ADGRB3: variants seen among roughly 807,000 people sequenced by gnomAD.
ADGRB3 encodes the protein brain-specific angiogenesis inhibitor 3.
Under a neutral mutation model 193.4 loss-of-function variants are expected in ADGRB3, and 37 were observed. The ratio of observed to expected loss-of-function variants is 0.19; its 90% confidence interval spans 0.15 to 0.25. The LOEUF is 0.25. Among genes scored for constraint, ADGRB3 ranks in the 10% least tolerant of loss-of-function variants. The pLI is 1.00. For synonymous variants in ADGRB3, 690 were observed against 644.2 expected, an observed-to-expected ratio of 1.07 and a Z score of -1.08; for missense variants, 1,637 against 1,852.9, an observed-to-expected ratio of 0.88 and a Z score of 2.14.
intron 15 of ADGRB3, among the ~76,000 whole-genome samples, chr6:69,052,486 A>G (rs1771427904): frequency 6.6e-6 from 1 of 152,356 alleles, no homozygotes; most frequent in South Asian, 2.1e-4. Context: ...TTTGTTATAC[A>G]CAGAAATAAT....
chr6:68,769,580 C>T (rs1342895660), intron 3 of ADGRB3, among the ~76,000 whole-genome samples: 1 of 152,004 alleles, frequency 6.6e-6, no homozygotes, highest in Admixed American at 6.6e-5. Flanking sequence ...GGAGAAATAC[C>T]TAATGTAGGT....
chr6:69,043,290 G>GAGAGAAAGAAAGAAAGAAAGAAAGAA (rs1554252049), intron 13 of ADGRB3, among the ~76,000 whole-genome samples: 4,591 of 87,956 alleles, frequency 0.052, 313 homozygotes, highest in East Asian at 0.17. Flanking sequence ...GGAAGAAAGA[G>GAGAGAAAGAAAGAAAGAAAGAAAGAA]AGAAAGAAAG....
intron 3 of ADGRB3, among the ~76,000 whole-genome samples, chr6:68,788,250 G>A (rs1183213066): frequency 6.6e-6 from 1 of 152,014 alleles, no homozygotes; most frequent in African/African-American, 2.4e-5. Context: ...TGATGTTAGG[G>A]TGTCAATTTT....
rs148962859 is a variant in ADGRB3 at position 68,755,489 on chromosome 6, A to G, written c.757+116057A>G. ...ACAATCAATTTGATGGTTCTTCTGG[A>G]TTTGTCTTGGGGAATTAGGAGGTAA... On this transcript the variant is annotated intron_variant, in intron 3 of 31. Coordinates refer to ENST00000370598, the MANE Select transcript of ADGRB3 (RefSeq NM_001704.3). Among the ~76,000 whole-genome samples the G allele has an allele frequency of 1.4e-3, 206 of 152,220 alleles. 2 individuals carry two copies. The highest frequency in any genetic ancestry group is 4.6e-3 in the African/African-American group (192 of 41,534).
chr6:69,250,550 A>G (rs1424654723), intron 20 of ADGRB3, among the ~76,000 whole-genome samples: 2 of 152,176 alleles, frequency 1.3e-5, no homozygotes, highest in South Asian at 2.1e-4. Flanking sequence ...CACCATTTCT[A>G]CAAGTCAGGA....
chr6:69,259,660 C>T (rs1003562713), intron 20 of ADGRB3, among the ~76,000 whole-genome samples: 12 of 139,882 alleles, frequency 8.6e-5, no homozygotes, highest in African/African-American at 3.0e-4. Context: ...GGCGCCACTG[C>T]ACTCCAGCCT....
intron 8 of ADGRB3, among the ~76,000 whole-genome samples, chr6:68,966,471 T>G (rs1768384167): frequency 6.6e-6 from 1 of 152,176 alleles, no homozygotes. Flanking sequence ...ACTTTACCCT[T>G]TCTGAAACGG....
intron 3 of ADGRB3, among the ~76,000 whole-genome samples, chr6:68,751,701 C>G (rs184451211): frequency 4.6e-5 from 7 of 152,252 alleles, no homozygotes; most frequent in African/African-American, 1.7e-4. Context: ...TCCTCACACC[C>G]TCATCTATTT....
At chr6:69,022,312 A>G (rs1186764579) in intron 13 of ADGRB3, among the ~76,000 whole-genome samples, 3 of 151,852 alleles carry the variant, frequency 2.0e-5, no homozygotes, top group Non-Finnish European at 1.5e-5. Context: ...TATATCAATA[A>G]TTTTAAAAAT....
intron 29 of ADGRB3, 140 bp downstream of exon 29, chr6:69,361,652 A>G (rs927153592): frequency 1.5e-5 from 16 of 1,049,914 alleles, no homozygotes; most frequent in Non-Finnish European, 2.1e-5. Context: ...GCAGTTTTGT[A>G]TCATGAAAAT....
At chr6:69,036,061 T>C (rs1213178059) in intron 13 of ADGRB3, among the ~76,000 whole-genome samples, 2 of 151,902 alleles carry the variant, frequency 1.3e-5, no homozygotes, top group East Asian at 1.9e-4. Context: ...AAGAAGAAAA[T>C]GTCTTATCCC....
intron 17 of ADGRB3, among the ~76,000 whole-genome samples, chr6:69,115,272 A>C (rs1773497517): frequency 6.6e-6 from 1 of 152,236 alleles, no homozygotes; most frequent in Non-Finnish European, 1.5e-5. Flanking sequence ...GCCATAGAAA[A>C]GGATGAGTTC....
At chr6:69,284,289 CAT>C (rs1412874723) in intron 20 of ADGRB3, among the ~76,000 whole-genome samples, 42 of 152,254 alleles carry the variant, frequency 2.8e-4, no homozygotes, top group African/African-American at 9.9e-4. Flanking sequence ...ACACTTTGCA[CAT>C]AGTCATCGTA....
At chr6:68,929,535 A>T (rs1311420082) in intron 3 of ADGRB3, among the ~76,000 whole-genome samples, 1 of 152,146 alleles carries the variant, frequency 6.6e-6, no homozygotes, top group African/African-American at 2.4e-5. Context: ...CATCTTTGTC[A>T]TGTTTAAGAG....
chr6:69,138,075 G>T, intron 17 of ADGRB3, among the ~76,000 whole-genome samples: 1 of 151,974 alleles, frequency 6.6e-6, no homozygotes, highest in South Asian at 2.1e-4. Flanking sequence ...ACCTAGAAAC[G>T]GTACCCATCA....
intron 26 of ADGRB3, among the ~76,000 whole-genome samples, chr6:69,351,278 A>G (rs560705807): frequency 6.6e-6 from 1 of 151,410 alleles, no homozygotes; most frequent in South Asian, 2.1e-4. Context: ...TTTTTTTAGT[A>G]GAGATGGGGT....
At chr6:69,206,045 GTATATATATA>G (rs56741913) in intron 17 of ADGRB3, among the ~76,000 whole-genome samples, 1,038 of 99,918 alleles carry the variant, frequency 0.01, 24 homozygotes, top group African/African-American at 0.031. Context: ...TATAATAATG[GTATATATATA>G]TATATATATA....
intron 3 of ADGRB3, among the ~76,000 whole-genome samples, chr6:68,767,772 A>T (rs1330562292): frequency 6.6e-6 from 1 of 152,130 alleles, no homozygotes; most frequent in Non-Finnish European, 1.5e-5. Flanking sequence ...CAATGACATG[A>T]TTCTATGTTT....
chr6:69,257,673 A>T (rs988180458), intron 20 of ADGRB3, among the ~76,000 whole-genome samples: 1 of 152,092 alleles, frequency 6.6e-6, no homozygotes, highest in Admixed American at 6.5e-5. Context: ...AAAGTTAATT[A>T]TTTTGCATTT....
Sources: allele counts gnomAD v4.1 joint callset (sites outside exome capture counted in the v4.1 genomes callset), GRCh38; gene constraint gnomAD v4.1.1; transcripts MANE v1.5; gene names NCBI Gene and HGNC (gene_info 2026-07-23, HGNC 2026-07-21).